PLCE1: variants seen among roughly 807,000 people sequenced by gnomAD.
PLCE1 encodes 1-phosphatidylinositol 4,5-bisphosphate phosphodiesterase epsilon-1.
PLCE1 carries 119 observed loss-of-function variants against 242.8 expected under a neutral mutation model. That is an observed-to-expected ratio of 0.49 (90% CI 0.42 to 0.57). The LOEUF (loss-of-function observed/expected upper bound fraction) is 0.57. PLCE1 is among the 20% of genes least tolerant of loss of function. The probability of loss-of-function intolerance (pLI) is 0.00; values close to 1 mark genes in which losing one functional copy is unlikely to be tolerated. For synonymous variants in PLCE1, 945 were observed against 1,017.4 expected (o/e 0.93, Z 1.35); for missense variants, 2,441 against 2,788.8 (o/e 0.88, Z 2.81).
chr10:94,280,124 A>C, intron 20 of PLCE1: 1 of 586,444 alleles, frequency 1.7e-6, no homozygotes, highest in Non-Finnish European at 3.0e-6. Context: ...CAGGTGTGGG[A>C]AGTTACAGGG....
In PLCE1 at chr10:94,202,168, C is replaced by T. The variant is rs558569037; in HGVS notation, c.1810-25138C>T. On this transcript the variant is annotated intron_variant, in intron 4 of 32. Coordinates refer to ENST00000371380, the MANE Select transcript of PLCE1 (RefSeq NM_016341.4). ...GAACAACATTTGTTTAATGTGACTG[C>T]CACGTGTAGAATATGTCCACATGAT... Among the ~76,000 whole-genome samples, 16 of 152,240 alleles carry T rather than the reference C, an allele frequency of 1.1e-4. 1 individual carries two copies. The South Asian group carries it at 3.1e-3, about 30-fold the overall frequency.
At chr10:94,029,171 A>G (rs1231864272) in intron 1 of PLCE1, among the ~76,000 whole-genome samples, 1 of 152,164 alleles carries the variant, frequency 6.6e-6, no homozygotes, top group East Asian at 1.9e-4. Flanking sequence ...GGACCTAAGC[A>G]TCACCAAAAA....
intron 4 of PLCE1, among the ~76,000 whole-genome samples, chr10:94,214,035 C>T (rs1273172125): frequency 1.3e-5 from 2 of 152,174 alleles, no homozygotes; most frequent in Non-Finnish European, 2.9e-5. Flanking sequence ...TGCTCAAGGT[C>T]ACAGAAATAG....
At chr10:94,226,863 A>T (rs2049962945) in intron 4 of PLCE1, among the ~76,000 whole-genome samples, 1 of 85,960 alleles carries the variant, frequency 1.2e-5, no homozygotes, top group African/African-American at 3.8e-5. Context: ...TTTTTGAGAC[A>T]GAGCCTTGCT....
intron 4 of PLCE1, among the ~76,000 whole-genome samples, chr10:94,218,908 A>AAT (rs1554886669): frequency 1.5e-3 from 226 of 146,838 alleles, no homozygotes; most frequent in Middle Eastern, 0.014. Flanking sequence ...AATTATAAAA[A>AAT]ATCTGACTAT....
At chr10:94,187,785 C>T (rs1054261717) in intron 4 of PLCE1, among the ~76,000 whole-genome samples, 21 of 152,144 alleles carry the variant, frequency 1.4e-4, no homozygotes, top group Admixed American at 3.9e-4. Context: ...AAGCCTCACG[C>T]GAACACAAGT....
intron 4 of PLCE1, among the ~76,000 whole-genome samples, chr10:94,179,022 C>G (rs2048213289): frequency 1.3e-5 from 2 of 152,156 alleles, no homozygotes; most frequent in Admixed American, 1.3e-4. Flanking sequence ...TGATAAAAAC[C>G]CCCTCAGGGT....
chr10:94,311,406 G>A (rs2053383221), intron 27 of PLCE1, among the ~76,000 whole-genome samples: 1 of 152,210 alleles, frequency 6.6e-6, no homozygotes, highest in Non-Finnish European at 1.5e-5. Flanking sequence ...GGTTTTAGGA[G>A]CTGTGTGGCA....
chr10:94,176,234 A>G (rs1043920914), intron 4 of PLCE1, among the ~76,000 whole-genome samples: 8 of 152,054 alleles, frequency 5.3e-5, no homozygotes, highest in African/African-American at 1.9e-4. Flanking sequence ...CCTCATCTCC[A>G]CAAAAAGTAC....
chr10:94,230,662 G>A (rs1030828957), intron 5 of PLCE1, among the ~76,000 whole-genome samples: 3 of 151,998 alleles, frequency 2.0e-5, no homozygotes, highest in African/African-American at 7.2e-5. Flanking sequence ...CCAGGCTGGA[G>A]TGCAGGAGCA....
chr10:94,003,511 A>G (rs1414772913), intron 1 of PLCE1, among the ~76,000 whole-genome samples: 1 of 152,240 alleles, frequency 6.6e-6, no homozygotes, highest in Non-Finnish European at 1.5e-5. Context: ...TCTCTAAAAT[A>G]GAGATATTAA....
intron 4 of PLCE1, among the ~76,000 whole-genome samples, chr10:94,219,023 T>A (rs2049631827): frequency 6.7e-6 from 1 of 149,210 alleles, no homozygotes; most frequent in Non-Finnish European, 1.5e-5. Flanking sequence ...TTATGTATAA[T>A]TATAAAAATA....
rs1462050295 is a variant in PLCE1, at chr10:94,234,152, G to C, written c.2054G>C (p.Cys685Ser). 1.2e-6 allele frequency: 2 copies of C among 1,614,008 alleles called. No homozygotes were observed. The highest frequency in any genetic ancestry group is 1.7e-6 in the Non-Finnish European group (2 of 1,179,978). Residue 685 changes from cysteine (C) to serine (S), a missense_variant, in exon 6 of 33, where the codon TGT becomes TCT. Cys to Ser is a moderately radical substitution (Grantham distance 112). Transcript: ENST00000371380. ...KDAMAQHESS[C>S]EYRKVVTRAL... Reference sequence around the variant, plus strand: ...GCTATGGCCCAGCATGAGTCCTCTTGTGAGTACAGAAAGGTGGTGACACGT... The same window carrying C: ...GCTATGGCCCAGCATGAGTCCTCTTCTGAGTACAGAAAGGTGGTGACACGT...
chr10:94,266,987 G>T (rs2051542692), intron 16 of PLCE1, among the ~76,000 whole-genome samples: 1 of 152,174 alleles, frequency 6.6e-6, no homozygotes, highest in African/African-American at 2.4e-5. Flanking sequence ...TAGGAGGGGT[G>T]CCATACGCTG....
intron 6 of PLCE1, among the ~76,000 whole-genome samples, chr10:94,234,968 G>A (rs1303450540): frequency 2.6e-5 from 4 of 151,916 alleles, no homozygotes; most frequent in Admixed American, 6.6e-5. Context: ...AAAATGGAAA[G>A]AACTTTATGG....
chr10:94,077,657 A>G (rs757441850), intron 2 of PLCE1, among the ~76,000 whole-genome samples: 3 of 152,056 alleles, frequency 2.0e-5, no homozygotes, highest in Non-Finnish European at 4.4e-5. Context: ...AGTACTAGCT[A>G]CTCCGGAGGC....
chr10:94,188,986 A>T (rs1251248108), intron 4 of PLCE1, among the ~76,000 whole-genome samples: 1 of 147,360 alleles, frequency 6.8e-6, no homozygotes, highest in Non-Finnish European at 1.5e-5. Context: ...CAATATGCTC[A>T]GTAGGAGAAA....
intron 27 of PLCE1, among the ~76,000 whole-genome samples, chr10:94,310,610 G>A (rs1209422159): frequency 3.3e-5 from 5 of 152,298 alleles, no homozygotes; most frequent in South Asian, 2.1e-4. Context: ...GTGGTACAAA[G>A]AGCAGGAATC....
intron 4 of PLCE1, among the ~76,000 whole-genome samples, chr10:94,175,103 A>T (rs1426793376): frequency 6.6e-6 from 1 of 152,212 alleles, no homozygotes; most frequent in Non-Finnish European, 1.5e-5. Context: ...TCACTTGTCT[A>T]AGTAGCTGAG....
Sources: gnomAD v4.1 joint callset for allele counts (sites outside exome capture counted in the v4.1 genomes callset) on GRCh38, gnomAD v4.1.1 for gene constraint, MANE v1.5 for transcripts, NCBI Gene and HGNC (gene_info 2026-07-23, HGNC 2026-07-21) for gene names.